Variants in STARD13 observed in about 807,000 individuals in gnomAD.
STARD13 encodes the protein stAR-related lipid transfer protein 13.
In STARD13, 62 loss-of-function variants were observed where a neutral mutation model predicts 106.4. The observed-to-expected ratio is 0.58, with a 90% CI of 0.48 to 0.72. The LOEUF (loss-of-function observed/expected upper bound fraction) is 0.72. Ranked by LOEUF, STARD13 falls within the 30% of genes least tolerant of loss-of-function variation. The pLI is 0.00. For missense variants in STARD13, 1,387 were observed against 1,424.0 expected, an observed-to-expected ratio of 0.97 and a Z score of 0.42; for synonymous variants, 565 against 553.0, an observed-to-expected ratio of 1.02 and a Z score of -0.31.
At chr13:33,136,864 G>A (rs1034651474) in intron 4 of STARD13, among the ~76,000 whole-genome samples, 1 of 152,236 alleles carries the variant, frequency 6.6e-6, no homozygotes, top group African/African-American at 2.4e-5. Flanking sequence ...GAAAGGGGTT[G>A]TAAGCTGCAG....
At chr13:33,160,116 GAACA>G (rs1177902787) in intron 3 of STARD13, among the ~76,000 whole-genome samples, 1 of 152,256 alleles carries the variant, frequency 6.6e-6, no homozygotes, top group East Asian at 1.9e-4. Context: ...ATTGATGAAA[GAACA>G]GACACATAGA....
rs117049426 is a variant in STARD13 at position 33,263,970 on chromosome 13, G to A, written c.169+21500C>T. Reference sequence around the variant, plus strand: ...GAAAAAGTGAAGAGGCAACTTCCAAGACTAGATCATAAAAAGTCACACACC... The same window carrying A: ...GAAAAAGTGAAGAGGCAACTTCCAAAACTAGATCATAAAAAGTCACACACC... On this transcript the variant is annotated intron_variant, in intron 1 of 13. Coordinates refer to ENST00000336934, the MANE Select transcript of STARD13 (RefSeq NM_178006.4). Among the ~76,000 whole-genome samples the A allele has an allele frequency of 1.6e-3, 246 of 152,302 alleles. 4 individuals are homozygous for A. In the East Asian group the frequency reaches 0.04, roughly 24 times the overall value.
At chr13:33,572,121 C>T in the STARD13 span, among the ~76,000 whole-genome samples, 3 of 152,196 alleles carry the variant, frequency 2.0e-5, no homozygotes, top group Admixed American at 1.3e-4. Flanking sequence ...GCATCCTAAT[C>T]GTCAACCATC....
the STARD13 span, among the ~76,000 whole-genome samples, chr13:33,477,471 C>T: frequency 1.3e-5 from 2 of 152,184 alleles, no homozygotes; most frequent in African/African-American, 2.4e-5. Context: ...CAAATCTTGC[C>T]AAGGAACTGA....
chr13:33,628,446 T>C, the STARD13 span, among the ~76,000 whole-genome samples: 26 of 152,176 alleles, frequency 1.7e-4, no homozygotes, highest in African/African-American at 6.3e-4. Flanking sequence ...TCCTTCTTTT[T>C]CTCAGAATTA....
At chr13:33,108,057 A>T (rs2858822) in intron 12 of STARD13, among the ~76,000 whole-genome samples, 23 of 152,162 alleles carry the variant, frequency 1.5e-4, no homozygotes, top group East Asian at 1.4e-3. Flanking sequence ...TCATGAACGA[A>T]GATGTGATAA....
chr13:33,406,390 G>A, the STARD13 span, among the ~76,000 whole-genome samples: 20 of 152,172 alleles, frequency 1.3e-4, no homozygotes, highest in South Asian at 2.1e-4. Flanking sequence ...TGGTGATTAT[G>A]TTCTAAAAAT....
intron 4 of STARD13, among the ~76,000 whole-genome samples, chr13:33,141,001 A>T (rs1017859450): frequency 4.6e-5 from 7 of 152,092 alleles, no homozygotes; most frequent in African/African-American, 1.4e-4. Context: ...CAGATGATCC[A>T]CCTGTCTTGG....
chr13:33,187,296 T>A (rs1885861598), intron 1 of STARD13, among the ~76,000 whole-genome samples: 1 of 152,038 alleles, frequency 6.6e-6, no homozygotes, highest in South Asian at 2.1e-4. Flanking sequence ...CCACTTTTGA[T>A]TTTTTTGAGA....
chr13:33,131,288 C>T (rs1395521832), intron 4 of STARD13, among the ~76,000 whole-genome samples: 1 of 152,226 alleles, frequency 6.6e-6, no homozygotes, highest in Non-Finnish European at 1.5e-5. Context: ...TCTGTTCCCT[C>T]ATTCGTAATT....
At chr13:33,223,660 A>AAT (rs144165084) in intron 1 of STARD13, among the ~76,000 whole-genome samples, 27,967 of 149,300 alleles carry the variant, frequency 0.19, 2,858 homozygotes, top group Admixed American at 0.33. Flanking sequence ...ACTCCATCTC[A>AAT]ATATATATAT....
chr13:33,106,996 A>G, intron 12 of STARD13, 62 bp from the exon 13 acceptor site: 2 of 1,491,282 alleles, frequency 1.3e-6, no homozygotes, highest in Non-Finnish European at 1.8e-6. Context: ...ACCTGAACAC[A>G]GAGCTAAGGT....
chr13:33,141,274 C>A lies in STARD13; in HGVS notation c.387+1036G>T, dbSNP rs563947797. 7.9e-5 allele frequency among the ~76,000 whole-genome samples: 12 copies of A among 152,334 alleles called. No individual in the cohort carries two copies. In the East Asian group the frequency reaches 2.3e-3, roughly 29 times the overall value. On this transcript the variant is annotated intron_variant, in intron 4 of 13. Coordinates refer to ENST00000336934, the MANE Select transcript of STARD13 (RefSeq NM_178006.4). ...GAATCAGACACCTCCGAGGTAGAAA[C>A]CCTGCTCCGCCGCTAGCTGCAAGAT...
chr13:33,214,552 C>T (rs1182199050), intron 1 of STARD13, among the ~76,000 whole-genome samples: 2 of 152,236 alleles, frequency 1.3e-5, no homozygotes, highest in South Asian at 2.1e-4. Context: ...ACATCCGCGC[C>T]GAGTGATAAG....
At chr13:33,382,338 C>T in the STARD13 span, among the ~76,000 whole-genome samples, 7 of 152,258 alleles carry the variant, frequency 4.6e-5, no homozygotes, top group East Asian at 1.2e-3. Context: ...ACAGGTAACT[C>T]CTACTCTCCA....
chr13:33,527,919 A>G, the STARD13 span, among the ~76,000 whole-genome samples: 1 of 151,326 alleles, frequency 6.6e-6, no homozygotes, highest in Non-Finnish European at 1.5e-5. Flanking sequence ...ACTATTAAGA[A>G]CCCGTTAACT....
At chr13:33,295,322 A>C (rs57766761) in intron 1 of STARD13, among the ~76,000 whole-genome samples, 2,667 of 152,296 alleles carry the variant, frequency 0.018, 93 homozygotes, top group African/African-American at 0.061. Context: ...GTCTAGATTT[A>C]GGTGTCATGT....
chr13:33,623,004 CAGG>C, the STARD13 span, among the ~76,000 whole-genome samples: 1 of 151,686 alleles, frequency 6.6e-6, no homozygotes, highest in African/African-American at 2.4e-5. Flanking sequence ...GAGGCTGAGG[CAGG>C]AGAATTGCTT....
chr13:33,265,315 A>T (rs1236387804), intron 1 of STARD13, among the ~76,000 whole-genome samples: 1 of 152,212 alleles, frequency 6.6e-6, no homozygotes, highest in Non-Finnish European at 1.5e-5. Context: ...TTAAATATTT[A>T]AACATCTTTA....
Sources: allele counts gnomAD v4.1 joint callset (sites outside exome capture counted in the v4.1 genomes callset), GRCh38; gene constraint gnomAD v4.1.1; transcripts MANE v1.5; gene names NCBI Gene and HGNC (gene_info 2026-07-23, HGNC 2026-07-21).